Variants in NEK6 observed in about 807,000 individuals in gnomAD.
The protein encoded by NEK6 is NIMA related kinase 6.
In NEK6, 27 loss-of-function variants were observed where a neutral mutation model predicts 43.5. The observed-to-expected ratio is 0.62, with a 90% CI of 0.46 to 0.86. The LOEUF (loss-of-function observed/expected upper bound fraction) is 0.86, where lower values mean the gene tolerates loss of function less well. NEK6 is among the 40% of genes least tolerant of loss of function. The pLI is 0.00. For synonymous variants in NEK6, 167 were observed against 164.1 expected (o/e 1.02, Z -0.14); for missense variants, 318 against 414.4 (o/e 0.77, Z 2.02).
intron 1 of NEK6, among the ~76,000 whole-genome samples, chr9:124,284,474 G>A (rs1832063582): frequency 1.3e-5 from 2 of 152,262 alleles, no homozygotes; most frequent in Non-Finnish European, 2.9e-5. Context: ...TGGGAGCGTG[G>A]CAGCGACCAC....
At chr9:124,327,951 G>C (rs914849746) in intron 7 of NEK6, among the ~76,000 whole-genome samples, 1 of 152,188 alleles carries the variant, frequency 6.6e-6, no homozygotes, top group Non-Finnish European at 1.5e-5. Context: ...AGGGAGCAGC[G>C]TTCCAGGAAA....
chr9:124,284,399 G>A (rs935692732), intron 1 of NEK6, among the ~76,000 whole-genome samples: 1 of 152,222 alleles, frequency 6.6e-6, no homozygotes, highest in Non-Finnish European at 1.5e-5. Context: ...GAGTCCTTGG[G>A]GATCTGGTGA....
rs117969491 is a variant in NEK6 at position 124,262,220 on chromosome 9, T to A, written c.-30+4135T>A. Among the ~76,000 whole-genome samples the A allele has an allele frequency of 5.7e-3, 867 of 152,282 alleles. 2 individuals carry two copies. The highest frequency in any genetic ancestry group is 7.6e-3 in the Non-Finnish European group (514 of 68,036). On this transcript the variant is annotated intron_variant, in intron 1 of 9. Coordinates refer to ENST00000320246, the MANE Select transcript of NEK6 (RefSeq NM_014397.6). ...GATAACTTTTGGGGAAAATGTTAGT[T>A]TAAAAAGAAAAAAAATCAGGCCAGC...
At chr9:124,268,213 A>G (rs1436307794) in intron 1 of NEK6, among the ~76,000 whole-genome samples, 1 of 152,178 alleles carries the variant, frequency 6.6e-6, no homozygotes, top group African/African-American at 2.4e-5. Flanking sequence ...TCTCAGGAGG[A>G]GGGTCTTACA....
chr9:124,289,554 C>T (rs921467688), intron 1 of NEK6, among the ~76,000 whole-genome samples: 2 of 152,138 alleles, frequency 1.3e-5, no homozygotes, highest in Non-Finnish European at 2.9e-5. Context: ...CACAGCCCCA[C>T]GTCACTATGG....
chr9:124,287,230 GTCC>G (rs1262112398), intron 1 of NEK6, among the ~76,000 whole-genome samples: 2 of 152,190 alleles, frequency 1.3e-5, no homozygotes, highest in African/African-American at 4.8e-5. Context: ...GGGCCCCCAG[GTCC>G]TCCTGTCCTT....
chr9:124,320,845 T>A (rs1322843680), intron 4 of NEK6, among the ~76,000 whole-genome samples: 1 of 152,142 alleles, frequency 6.6e-6, no homozygotes, highest in African/African-American at 2.4e-5. Flanking sequence ...TAGTCCCAAC[T>A]GCTCAGGAGG....
At chr9:124,308,705 C>T (rs931492726) in intron 2 of NEK6, among the ~76,000 whole-genome samples, 39 of 151,576 alleles carry the variant, frequency 2.6e-4, no homozygotes, top group Admixed American at 1.3e-4. Flanking sequence ...TCGGGGTGGT[C>T]GGTCATTAGT....
At chr9:124,293,510 T>C (rs1452745161) in intron 1 of NEK6, among the ~76,000 whole-genome samples, 1 of 152,062 alleles carries the variant, frequency 6.6e-6, no homozygotes, top group Non-Finnish European at 1.5e-5. Flanking sequence ...CAGAATTGGG[T>C]TTTATTACCT....
intron 2 of NEK6, among the ~76,000 whole-genome samples, chr9:124,305,373 G>A (rs1047067367): frequency 6.6e-6 from 1 of 152,088 alleles, no homozygotes; most frequent in African/African-American, 2.4e-5. Context: ...GGGCAACATG[G>A]TGAAACCCTG....
intron 7 of NEK6, among the ~76,000 whole-genome samples, chr9:124,328,904 A>AC (rs983848577): frequency 1.3e-5 from 2 of 151,714 alleles, no homozygotes; most frequent in African/African-American, 4.9e-5. Context: ...GTAGGGACCC[A>AC]CCCCCCAGGG....
chr9:124,270,353 C>G (rs1231061049), intron 1 of NEK6, among the ~76,000 whole-genome samples: 1 of 152,174 alleles, frequency 6.6e-6, no homozygotes, highest in African/African-American at 2.4e-5. Flanking sequence ...AAGGGATGGT[C>G]TTAGACCTAG....
chr9:124,268,791 T>C lies in NEK6; in HGVS notation c.-30+10706T>C, dbSNP rs184095329. On this transcript the variant is annotated intron_variant, in intron 1 of 9. Coordinates refer to ENST00000320246, the MANE Select transcript of NEK6 (RefSeq NM_014397.6). ...ATGTGAGATCGCGTGGTTGGCTAAA[T>C]ACATAAATATTTTATGTCTCGATAT... Among the ~76,000 whole-genome samples the C allele has an allele frequency of 3.1e-3, 471 of 152,318 alleles. 3 individuals carry two copies. The highest frequency in any genetic ancestry group is 0.01 in the African/African-American group (422 of 41,554).
chr9:124,298,399 C>T (rs1017328335), intron 1 of NEK6, among the ~76,000 whole-genome samples: 5 of 152,022 alleles, frequency 3.3e-5, no homozygotes, highest in African/African-American at 4.8e-5. Context: ...CAGAGCAGCT[C>T]GTAATGACTG....
In NEK6 at chr9:124,347,771, G is replaced by A. The variant is rs191153129; in HGVS notation, c.780G>A (p.Lys260=). ...TGAATCTCTTCTCCCTGTGCCAGAA[G>A]ATCGAGCAGTGTGACTACCCCCCAC... ...DKMNLFSLCQ[K]IEQCDYPPLP... The change falls in exon 9 of 10, where the codon AAG becomes AAA. Residue 260 remains lysine (K), a synonymous_variant. Transcript: ENST00000320246. The A allele has an allele frequency of 3.7e-6, 6 of 1,613,474 alleles. No homozygotes were observed. The East Asian group carries it at 1.1e-4, about 30-fold the overall frequency.
intron 1 of NEK6, 47 bp downstream of exon 1, chr9:124,258,132 G>C: frequency 1.0e-6 from 1 of 978,462 alleles, no homozygotes; most frequent in Non-Finnish European, 1.2e-6. Context: ...CCCGCGGCCC[G>C]GAGAAGGGCG....
rs1173992003 is a variant in NEK6, at chr9:124,352,194, C to A, written c.*1247C>A. 8 of 152,644 alleles carry A rather than the reference C, an allele frequency of 5.2e-5. No homozygotes were observed. In the East Asian group the frequency reaches 7.7e-4, roughly 15 times the overall value. The allele number at this position is 152,644 out of a possible 1,614,324, so 9.5% of individuals were successfully genotyped here. ...CTTCATGACAGTCTGGCCCTCCAGA[C>A]AAGAGCAGCGCTGGCATCGGGCAGG... On this transcript the variant is annotated 3_prime_UTR_variant, in exon 10 of 10. Transcript: ENST00000320246.
intron 1 of NEK6, among the ~76,000 whole-genome samples, chr9:124,274,572 G>A (rs1159402321): frequency 6.6e-6 from 1 of 152,228 alleles, no homozygotes; most frequent in Non-Finnish European, 1.5e-5. Flanking sequence ...AAGCAGCAGA[G>A]TGTGGACTCA....
rs183711992 is a variant in NEK6 at position 124,313,966 on chromosome 9, A to G, written c.275A>G (p.Lys92Arg). 1 of 1,614,220 alleles carries G rather than the reference A, an allele frequency of 6.2e-7. No homozygotes were observed. The highest frequency in any genetic ancestry group is 2.2e-5 in the East Asian group (1 of 44,882). ...MDAKARQDCVKEIGLLKQLNH... is the reference protein window; with the variant it reads ...MDAKARQDCVREIGLLKQLNH... The stretch of plus-strand genomic sequence containing the variant: ...GCCAAGGCGAGGCAGGACTGTGTCA[A>G]GGAGATCGGCCTCTTGAAGGTGAGC... Residue 92 changes from lysine (K) to arginine (R), a missense_variant, in exon 4 of 10, where the codon AAG (lysine) becomes AGG (arginine). Physicochemically the swap from Lys to Arg is conservative, Grantham distance 26 (BLOSUM62 2). Around this residue, in one of 2 missense-constraint regions of NEK6, gnomAD observed 239 missense variants for 344.4 expected, o/e 0.69. Coordinates refer to ENST00000320246, the MANE Select transcript of NEK6 (RefSeq NM_014397.6).
Sources: gnomAD v4.1 joint callset for allele counts (sites outside exome capture counted in the v4.1 genomes callset) on GRCh38, gnomAD v4.1.1 for gene constraint, gnomAD v4.1.1 regional missense constraint, MANE v1.5 for transcripts, NCBI Gene and HGNC (gene_info 2026-07-23, HGNC 2026-07-21) for gene names.